The following FMN1 variants were observed in gnomAD, a reference collection of about 807,000 sequenced individuals.
The protein encoded by FMN1 is formin-1.
In FMN1, 110 loss-of-function variants were observed where a neutral mutation model predicts 132.4. That is an observed-to-expected ratio of 0.83 (90% CI 0.71 to 0.97). FMN1 has a LOEUF of 0.97. FMN1 is among the 50% of genes least tolerant of loss of function. The pLI is 0.00. For missense variants in FMN1, 1,792 were observed against 1,705.3 expected, an observed-to-expected ratio of 1.05 and a Z score of -0.90; for synonymous variants, 722 against 651.7, an observed-to-expected ratio of 1.11 and a Z score of -1.64.
intron 16 of FMN1, among the ~76,000 whole-genome samples, chr15:32,879,186 C>T (rs2059704984): frequency 6.6e-6 from 1 of 152,156 alleles, no homozygotes; most frequent in South Asian, 2.1e-4. Context: ...TATCCCAGTT[C>T]CTTAGGTCTG....
chr15:33,042,004 A>T (rs1403530303), intron 6 of FMN1, among the ~76,000 whole-genome samples: 1 of 151,476 alleles, frequency 6.6e-6, no homozygotes, highest in Admixed American at 6.6e-5. Flanking sequence ...AAAAATTAAA[A>T]AATAAAACAT....
chr15:33,012,222 T>C, intron 6 of FMN1: 1 of 662,828 alleles, frequency 1.5e-6, no homozygotes, highest in East Asian at 2.9e-5. Flanking sequence ...GGAATCATTT[T>C]GAGCAATGGG....
At chr15:33,048,072 T>C (rs1407250928) in intron 6 of FMN1, among the ~76,000 whole-genome samples, 1 of 152,180 alleles carries the variant, frequency 6.6e-6, no homozygotes, top group African/African-American at 2.4e-5. Context: ...TCCTGTAGCT[T>C]TGGTAATCTT....
intron 3 of FMN1, among the ~76,000 whole-genome samples, chr15:33,155,608 AT>A (rs1241431858): frequency 1.3e-5 from 2 of 152,254 alleles, no homozygotes; most frequent in Non-Finnish European, 2.9e-5. Flanking sequence ...AAAAATTTCA[AT>A]GTAAAAGTTT....
intron 2 of FMN1, among the ~76,000 whole-genome samples, chr15:33,185,736 C>G (rs1283802824): frequency 6.6e-6 from 1 of 151,812 alleles, no homozygotes; most frequent in African/African-American, 2.4e-5. Context: ...CCACACCCAG[C>G]TAATTTTGTA....
intron 9 of FMN1, among the ~76,000 whole-genome samples, chr15:32,933,749 T>A (rs1166908800): frequency 1.3e-5 from 2 of 152,198 alleles, no homozygotes; most frequent in Non-Finnish European, 2.9e-5. Context: ...ACTTAAATTC[T>A]AACTATGGCC....
At chr15:32,856,883 G>T in intron 17 of FMN1, 132 bp downstream of exon 17, 2 of 650,042 alleles carry the variant, frequency 3.1e-6, no homozygotes, top group Non-Finnish European at 5.5e-6. Context: ...ACCATGGAAA[G>T]ATGGGCTAAT....
At position 32,772,975 on chromosome 15, in the gene FMN1, A is replaced by G. The variant is rs915822121; in HGVS notation, c.*1335T>C. 4.7e-5 allele frequency: 7 copies of G among 148,694 alleles called. No homozygotes were observed. Among genetic ancestry groups the G allele is most frequent in the African/African-American group, 1.7e-4 (7 of 40,288 alleles). 9.2% of individuals were successfully genotyped at this position (148,694 alleles called of 1,614,324 possible). A position where few individuals can be genotyped will look rare whatever the true frequency, so the allele number is the denominator to read the frequency against. ...CTCATCTCTGGACTGTCCTCCACCA[A>G]TTGGGGGGAGAAAGCTCGGCCTCTT... On this transcript the variant is annotated 3_prime_UTR_variant, in exon 21 of 21. Transcript: ENST00000616417.
chr15:32,823,966 C>T (rs2058301775), intron 17 of FMN1, among the ~76,000 whole-genome samples: 1 of 152,174 alleles, frequency 6.6e-6, no homozygotes, highest in Non-Finnish European at 1.5e-5. Context: ...ACAGTGTGCC[C>T]CTGCCAAAAG....
At chr15:33,185,473 T>C (rs548333807) in intron 2 of FMN1, among the ~76,000 whole-genome samples, 1 of 152,058 alleles carries the variant, frequency 6.6e-6, no homozygotes, top group African/African-American at 2.4e-5. Flanking sequence ...TAATTCCAAT[T>C]TAGAGAATAG....
intron 4 of FMN1, among the ~76,000 whole-genome samples, chr15:33,116,856 A>T (rs1415736554): frequency 6.6e-6 from 1 of 152,192 alleles, no homozygotes; most frequent in Non-Finnish European, 1.5e-5. Context: ...GAGAAAATGG[A>T]AATAACAGAG....
intron 7 of FMN1, among the ~76,000 whole-genome samples, chr15:32,979,714 C>A: frequency 6.7e-6 from 1 of 148,408 alleles, no homozygotes; most frequent in South Asian, 2.2e-4. Context: ...ATTATTCAGA[C>A]ATAACTTTTT....
intron 16 of FMN1, among the ~76,000 whole-genome samples, chr15:32,886,068 G>A (rs189944091): frequency 4.4e-4 from 67 of 152,170 alleles, no homozygotes; most frequent in Admixed American, 1.8e-3. Context: ...GAATGGAAAC[G>A]TTAAGATGAA....
chr15:32,981,543 A>AATT (rs3081379), intron 7 of FMN1, among the ~76,000 whole-genome samples: 15,174 of 138,152 alleles, frequency 0.11, 1,034 homozygotes, highest in African/African-American at 0.18. Flanking sequence ...TAATAATAAT[A>AATT]ATTATTATTA....
rs148633034 is a variant in FMN1 at position 32,873,854 on chromosome 15, G to A, written c.3835+14318C>T. 6.1e-3 allele frequency among the ~76,000 whole-genome samples: 934 copies of A among 152,090 alleles called. 4 individuals carry two copies. Among genetic ancestry groups the A allele is most frequent in the Non-Finnish European group, 0.01 (686 of 67,986 alleles). ...GCTATCTCCTGTTGGCCTGGGGAGC[G>A]CAAGGAATTTGTCTCTGTCTTTGGG... On this transcript the variant is annotated intron_variant, in intron 16 of 20. Transcript: ENST00000616417.
intron 17 of FMN1, among the ~76,000 whole-genome samples, chr15:32,855,157 TAAAAAAAAAAAAAAAAA>T (rs750275479): frequency 1.2e-5 from 1 of 85,544 alleles, no homozygotes. Context: ...ACGTGGAGAG[TAAAAAAAAAAAAAAAAA>T]AAAAAAAAGA....
At chr15:32,823,463 C>T (rs1250633346) in intron 17 of FMN1, among the ~76,000 whole-genome samples, 1 of 152,006 alleles carries the variant, frequency 6.6e-6, no homozygotes, top group Non-Finnish European at 1.5e-5. Flanking sequence ...TGCGCCCGGC[C>T]GAGAGTTTCT....
chr15:32,813,808 A>C (rs1315044195), intron 17 of FMN1, among the ~76,000 whole-genome samples: 1 of 152,218 alleles, frequency 6.6e-6, no homozygotes, highest in Admixed American at 6.5e-5. Flanking sequence ...GATTACACTA[A>C]TAGTCACAGA....
intron 15 of FMN1, among the ~76,000 whole-genome samples, chr15:32,892,977 T>C (rs1054570448): frequency 5.9e-5 from 9 of 152,134 alleles, no homozygotes; most frequent in African/African-American, 1.9e-4. Flanking sequence ...AGCTTTATTT[T>C]TGGTTGATGG....
Sources: gnomAD v4.1 joint callset for allele counts (sites outside exome capture counted in the v4.1 genomes callset) on GRCh38, gnomAD v4.1.1 for gene constraint, MANE v1.5 for transcripts, NCBI Gene and HGNC (gene_info 2026-07-23, HGNC 2026-07-21) for gene names.